Variants in PCDH9 observed in about 807,000 individuals in gnomAD.
PCDH9 encodes protocadherin 9, also known as protocadherin-9.
A neutral mutation model predicts 70.6 loss-of-function variants in PCDH9; 24 were observed. The ratio of observed to expected loss-of-function variants is 0.34; its 90% CI spans 0.25 to 0.48. PCDH9 has a LOEUF of 0.48. PCDH9 is among the 20% of genes least tolerant of loss of function. PCDH9 has a pLI of 0.99. For missense variants in PCDH9, 1,281 were observed against 1,503.6 expected (o/e 0.85, Z 2.45); for synonymous variants, 562 against 558.5 (o/e 1.01, Z -0.09).
At chr13:66,721,529 G>A (rs1475080105) in intron 3 of PCDH9, among the ~76,000 whole-genome samples, 1 of 151,906 alleles carries the variant, frequency 6.6e-6, no homozygotes, top group Non-Finnish European at 1.5e-5. Flanking sequence ...GTCTGAGCGT[G>A]GATATTTTAG....
At chr13:66,983,235 G>T (rs1181198469) in intron 2 of PCDH9, among the ~76,000 whole-genome samples, 2 of 151,844 alleles carry the variant, frequency 1.3e-5, no homozygotes, top group African/African-American at 2.4e-5. Flanking sequence ...CAAACTAGAA[G>T]TTAAAGAAGA....
chr13:66,905,494 CAGACAATTCTAA>C (rs1429765853), intron 2 of PCDH9, among the ~76,000 whole-genome samples: 1 of 152,050 alleles, frequency 6.6e-6, no homozygotes, highest in Non-Finnish European at 1.5e-5. Context: ...TTAAAATATT[CAGACAATTCTAA>C]TGTGTAGCCA....
At chr13:66,306,080 A>T (rs1436379661) in intron 4 of PCDH9, 1 of 152,048 alleles carries the variant, frequency 6.6e-6, no homozygotes, top group Non-Finnish European at 1.5e-5. Context: ...GATTTTACAA[A>T]TGAAGTTAAG....
chr13:66,737,972 C>A (rs1024012481), intron 3 of PCDH9, among the ~76,000 whole-genome samples: 1 of 152,290 alleles, frequency 6.6e-6, no homozygotes, highest in African/African-American at 2.4e-5. Context: ...AGCCAGGAAG[C>A]TCGAACTGGG....
rs528981035 is a variant in PCDH9 at position 66,480,637 on chromosome 13, G to A, written c.3340+150573C>T. On this transcript the variant is annotated intron_variant, in intron 4 of 4. Coordinates refer to ENST00000377865, the MANE Select transcript of PCDH9 (RefSeq NM_203487.3). Reference sequence around the variant, plus strand: ...ACCATCTCACACCAGTTAGAATGGCGATCATTAAAAAGTCAGGAAACAACA... The same window carrying A: ...ACCATCTCACACCAGTTAGAATGGCAATCATTAAAAAGTCAGGAAACAACA... Among the ~76,000 whole-genome samples the A allele has an allele frequency of 3.2e-4, 48 of 152,216 alleles. No homozygotes were observed. In the South Asian group the frequency reaches 7.7e-3, roughly 24 times the overall value.
intron 3 of PCDH9, among the ~76,000 whole-genome samples, chr13:66,792,398 G>A (rs377437796): frequency 1.1e-4 from 16 of 152,198 alleles, no homozygotes; most frequent in African/African-American, 3.4e-4. Context: ...GGCCAGGCAC[G>A]GTGGCTCATG....
intron 2 of PCDH9, among the ~76,000 whole-genome samples, chr13:67,061,228 G>T (rs946026137): frequency 1.3e-5 from 2 of 151,998 alleles, no homozygotes; most frequent in South Asian, 4.1e-4. Context: ...AATTTAAGCA[G>T]TTGAGAGATA....
At chr13:66,633,484 C>T (rs531176869) in intron 3 of PCDH9, among the ~76,000 whole-genome samples, 2 of 152,228 alleles carry the variant, frequency 1.3e-5, no homozygotes, top group South Asian at 4.1e-4. Flanking sequence ...ATTTATGTTT[C>T]AATATGCCCT....
chr13:67,101,769 C>CT, intron 2 of PCDH9, among the ~76,000 whole-genome samples: 1 of 151,804 alleles, frequency 6.6e-6, no homozygotes, highest in South Asian at 2.1e-4. Flanking sequence ...AACCAATTCT[C>CT]TTCAGTAATA....
chr13:66,415,700 G>C lies in PCDH9; in HGVS notation c.3341-110672C>G, dbSNP rs567330360. ...AAGATATTTATCTCAAAGGCAGATA[G>C]GTAAGAATGTCAAGAAAACAAAATA... On this transcript the variant is annotated intron_variant, in intron 4 of 4. Transcript: ENST00000377865. Among the ~76,000 whole-genome samples the C allele has an allele frequency of 2.0e-5, 3 of 152,014 alleles. No individual in the cohort carries two copies. In the East Asian group the frequency reaches 5.8e-4, roughly 29 times the overall value.
chr13:66,766,038 T>C (rs2079711988), intron 3 of PCDH9, among the ~76,000 whole-genome samples: 1 of 152,070 alleles, frequency 6.6e-6, no homozygotes, highest in East Asian at 1.9e-4. Context: ...ATAGTCTATT[T>C]ATGAAGCCAA....
chr13:66,742,401 C>G lies in PCDH9; in HGVS notation c.3139-110990G>C, dbSNP rs1467347942. Among the ~76,000 whole-genome samples the G allele has an allele frequency of 4.7e-4, 48 of 102,880 alleles. 1 individual carries two copies. The highest frequency in any genetic ancestry group is 5.1e-3 in the Middle Eastern group (1 of 198). 67.5% of individuals were successfully genotyped at this position (102,880 alleles called of 152,430 possible). On this transcript the variant is annotated intron_variant, in intron 3 of 4. Coordinates refer to ENST00000377865, the MANE Select transcript of PCDH9 (RefSeq NM_203487.3). ...AAACCATAAAAACCCTAGAAGAAAA[C>G]CTAGGCATTACCATTCAGGACATAG...
At chr13:67,120,187 A>AAATAATAATAATAATAATAATAAT (rs149316252) in intron 2 of PCDH9, among the ~76,000 whole-genome samples, 2 of 143,740 alleles carry the variant, frequency 1.4e-5, no homozygotes, top group South Asian at 2.2e-4. Flanking sequence ...CTCATGCATT[A>AAATAATAATAATAATAATAATAAT]AATAATAATA....
At chr13:66,785,235 T>C (rs1594058304) in intron 3 of PCDH9, among the ~76,000 whole-genome samples, 1 of 152,060 alleles carries the variant, frequency 6.6e-6, no homozygotes, top group East Asian at 1.9e-4. Context: ...AATGTTTCAC[T>C]AAAATAAGCC....
At chr13:66,433,126 A>G (rs939405131) in intron 4 of PCDH9, among the ~76,000 whole-genome samples, 1 of 152,016 alleles carries the variant, frequency 6.6e-6, no homozygotes, top group Non-Finnish European at 1.5e-5. Flanking sequence ...GAAATGGAAG[A>G]CAAAACAACA....
intron 2 of PCDH9, among the ~76,000 whole-genome samples, chr13:67,008,870 A>C (rs2084401483): frequency 6.6e-6 from 1 of 152,106 alleles, no homozygotes; most frequent in Non-Finnish European, 1.5e-5. Context: ...TCATTGATGG[A>C]GTATATCCTG....
chr13:66,520,400 A>G (rs955165464), intron 4 of PCDH9, among the ~76,000 whole-genome samples: 2 of 152,186 alleles, frequency 1.3e-5, no homozygotes, highest in African/African-American at 4.8e-5. Flanking sequence ...TTTGTTCATA[A>G]TACTGTGAGT....
intron 3 of PCDH9, among the ~76,000 whole-genome samples, chr13:66,753,413 G>T (rs1017830792): frequency 6.6e-6 from 1 of 152,080 alleles, no homozygotes; most frequent in African/African-American, 2.4e-5. Context: ...GGAAATGCTT[G>T]ATCTAATCAC....
chr13:67,147,989 C>A (rs973481584), intron 2 of PCDH9, among the ~76,000 whole-genome samples: 1 of 152,134 alleles, frequency 6.6e-6, no homozygotes, highest in African/African-American at 2.4e-5. Context: ...ATAAAGCAGA[C>A]CCAGAAAGTC....
Sources: gnomAD v4.1 joint callset for allele counts (sites outside exome capture counted in the v4.1 genomes callset) on GRCh38, gnomAD v4.1.1 for gene constraint, MANE v1.5 for transcripts, NCBI Gene and HGNC (gene_info 2026-07-23, HGNC 2026-07-21) for gene names.